The following SIRPG variants were observed in gnomAD, a reference collection of about 807,000 sequenced individuals.
The protein encoded by SIRPG is signal regulatory protein gamma, also known as signal-regulatory protein gamma.
A neutral mutation model predicts 35.7 loss-of-function variants in SIRPG; 38 were observed. The observed-to-expected ratio is 1.06, with a 90% CI of 0.82 to 1.40. The LOEUF (loss-of-function observed/expected upper bound fraction) is 1.40. Among genes scored for constraint, SIRPG ranks in the 40% most tolerant of loss-of-function variants. SIRPG has a pLI of 0.00. For synonymous variants in SIRPG, 215 were observed against 190.4 expected (o/e 1.13, Z -1.06); for missense variants, 519 against 483.0 (o/e 1.07, Z -0.70).
At chr20:1,684,301 A>G in the SIRPG span, among the ~76,000 whole-genome samples, 1 of 152,190 alleles carries the variant, frequency 6.6e-6, no homozygotes, top group Non-Finnish European at 1.5e-5. Flanking sequence ...ACAAAAATAA[A>G]ATACATTTCT....
chr20:1,682,226 A>G, the SIRPG span, among the ~76,000 whole-genome samples: 1 of 152,190 alleles, frequency 6.6e-6, no homozygotes, highest in East Asian at 1.9e-4. Flanking sequence ...AAAACCAAAT[A>G]TCTCTTTAAT....
chr20:1,683,034 C>A, the SIRPG span, among the ~76,000 whole-genome samples: 1 of 152,134 alleles, frequency 6.6e-6, no homozygotes, highest in Non-Finnish European at 1.5e-5. Context: ...ATATAAAGAA[C>A]TCAAGCAACT....
Position 1,629,153 on chromosome 20 carries a change from G to A in SIRPG, c.*486C>T, listed in dbSNP as rs1404727026. The A allele has an allele frequency of 2.6e-5, 4 of 152,188 alleles. No homozygotes were observed. The highest frequency in any genetic ancestry group is 9.7e-5 in the African/African-American group (4 of 41,436). 9.4% of individuals were successfully genotyped at this position (152,188 alleles called of 1,614,324 possible). On this transcript the variant is annotated 3_prime_UTR_variant, in exon 6 of 6. Coordinates refer to ENST00000303415, the MANE Select transcript of SIRPG (RefSeq NM_018556.4). ...AGGAGTAGGACCCTTAGACAAAGAG[G>A]AAGGATAATCTTTTTATTTTCTTAA...
chr20:1,663,608 G>A, the SIRPG span, among the ~76,000 whole-genome samples: 468 of 152,262 alleles, frequency 3.1e-3, 4 homozygotes, highest in African/African-American at 0.011. Context: ...GCTATAAATC[G>A]GCCTTCTTTT....
At chr20:1,642,325 C>T (rs2091859462) in intron 2 of SIRPG, among the ~76,000 whole-genome samples, 1 of 152,042 alleles carries the variant, frequency 6.6e-6, no homozygotes, top group Non-Finnish European at 1.5e-5. Context: ...TTAGGTAATG[C>T]CCTTCTTTGT....
At chr20:1,674,924 G>A in the SIRPG span, among the ~76,000 whole-genome samples, 1 of 152,182 alleles carries the variant, frequency 6.6e-6, no homozygotes, top group African/African-American at 2.4e-5. Flanking sequence ...TCCTCCATGT[G>A]TCCCAGTGGG....
the SIRPG span, chr20:1,671,081 A>C: frequency 4.7e-6 from 2 of 427,316 alleles, no homozygotes; most frequent in South Asian, 3.7e-5. Flanking sequence ...CTATTTTTGG[A>C]CCATTTCAGG....
the SIRPG span, among the ~76,000 whole-genome samples, chr20:1,664,339 G>A: frequency 6.6e-6 from 1 of 152,148 alleles, no homozygotes; most frequent in Non-Finnish European, 1.5e-5. Flanking sequence ...AACTGGGATG[G>A]GGGTTCATTT....
At chr20:1,668,259 CT>C in the SIRPG span, among the ~76,000 whole-genome samples, 3 of 81,442 alleles carry the variant, frequency 3.7e-5, no homozygotes, top group Non-Finnish European at 7.9e-5. Flanking sequence ...TTTTCTTTTT[CT>C]TTTTCTTTTC....
At chr20:1,676,784 C>A in the SIRPG span, 1 of 216,664 alleles carries the variant, frequency 4.6e-6, no homozygotes, top group Non-Finnish European at 9.5e-6. Flanking sequence ...TGGACAGGCC[C>A]CACAGGGAAC....
At chr20:1,663,140 C>T in the SIRPG span, among the ~76,000 whole-genome samples, 4 of 152,068 alleles carry the variant, frequency 2.6e-5, no homozygotes, top group Non-Finnish European at 4.4e-5. Flanking sequence ...AGTGAAACCC[C>T]GTCTCTACTA....
At chr20:1,670,990 A>G in the SIRPG span, 1 of 366,594 alleles carries the variant, frequency 2.7e-6, no homozygotes, top group South Asian at 2.4e-5. Context: ...GGCCAGCACC[A>G]TCCTGGCTGT....
intron 2 of SIRPG, among the ~76,000 whole-genome samples, chr20:1,641,834 T>C (rs2091854874): frequency 6.6e-6 from 1 of 152,248 alleles, no homozygotes; most frequent in African/African-American, 2.4e-5. Flanking sequence ...AATTTCTGTC[T>C]TAATTTCATT....
the SIRPG span, among the ~76,000 whole-genome samples, chr20:1,668,235 CTTTCTTTCTTTCTTTTTCTT>C: frequency 2.9e-4 from 17 of 59,094 alleles, no homozygotes; most frequent in African/African-American, 8.6e-4. Flanking sequence ...TTCTTTCTTT[CTTTCTTTCTTTCTTTTTCTT>C]TTTCTTTTTC....
At chr20:1,640,004 T>C (rs2091839470) in intron 2 of SIRPG, among the ~76,000 whole-genome samples, 1 of 152,220 alleles carries the variant, frequency 6.6e-6, no homozygotes, top group African/African-American at 2.4e-5. Flanking sequence ...ACAAGTACCA[T>C]GCTGTTTTGG....
chr20:1,642,385 C>T (rs1358318273), intron 2 of SIRPG, among the ~76,000 whole-genome samples: 8 of 152,078 alleles, frequency 5.3e-5, no homozygotes, highest in Non-Finnish European at 1.0e-4. Context: ...GGACCAGGAT[C>T]GCAACCCCCA....
chr20:1,680,342 CCTGGT>C, the SIRPG span, among the ~76,000 whole-genome samples: 1 of 152,146 alleles, frequency 6.6e-6, no homozygotes, highest in African/African-American at 2.4e-5. Context: ...ACTGGGATCC[CCTGGT>C]CTGGAGTACA....
At chr20:1,668,845 C>T in the SIRPG span, among the ~76,000 whole-genome samples, 2 of 152,182 alleles carry the variant, frequency 1.3e-5, no homozygotes, top group Admixed American at 6.5e-5. Flanking sequence ...GAGCAGTGGA[C>T]GTGACTATGC....
chr20:1,654,963 A>G (rs2091966432), intron 1 of SIRPG, among the ~76,000 whole-genome samples: 1 of 152,234 alleles, frequency 6.6e-6, no homozygotes, highest in East Asian at 1.9e-4. Context: ...GATAAATGCA[A>G]ATTAAAACCG....
Sources: allele counts gnomAD v4.1 joint callset (sites outside exome capture counted in the v4.1 genomes callset), GRCh38; gene constraint gnomAD v4.1.1; transcripts MANE v1.5; gene names NCBI Gene and HGNC (gene_info 2026-07-23, HGNC 2026-07-21).